The following RGL3 variants were observed in gnomAD, a reference collection of about 807,000 sequenced individuals.
The protein encoded by RGL3 is ral guanine nucleotide dissociation stimulator-like 3.
RGL3 carries 85 observed loss-of-function variants against 90.6 expected under a neutral mutation model. The ratio of observed to expected loss-of-function variants is 0.94; its 90% CI spans 0.79 to 1.12. The LOEUF (loss-of-function observed/expected upper bound fraction) is 1.12, where lower values mean the gene tolerates loss of function less well. Ranked by LOEUF, RGL3 falls within the 50% of genes most tolerant of loss-of-function variation. The pLI, the probability that RGL3 is intolerant of heterozygous loss-of-function variation, is 0.00. For synonymous variants in RGL3, 408 were observed against 385.5 expected, an observed-to-expected ratio of 1.06 and a Z score of -0.68; for missense variants, 1,034 against 939.2, an observed-to-expected ratio of 1.10 and a Z score of -1.32.
At chr19:11,394,935 C>T (rs1211234197) in intron 18 of RGL3, among the ~76,000 whole-genome samples, 1 of 151,518 alleles carries the variant, frequency 6.6e-6, no homozygotes, top group African/African-American at 2.4e-5. Context: ...ACTAAAAATA[C>T]CAAAAAAATG....
intron 5 of RGL3, among the ~76,000 whole-genome samples, chr19:11,409,406 GC>G (rs1410565550): frequency 6.6e-6 from 1 of 151,942 alleles, no homozygotes; most frequent in East Asian, 1.9e-4. Flanking sequence ...GCGTGAACCG[GC>G]GAGGCGGAGC....
intron 4 of RGL3, 65 bp downstream of exon 4, chr19:11,416,549 G>T (rs1052449464): frequency 1.3e-5 from 20 of 1,502,436 alleles, no homozygotes; most frequent in Non-Finnish European, 1.8e-5. Context: ...ACCCCAGTCC[G>T]ACTGCTAACC....
chr19:11,399,980 G>A, intron 15 of RGL3, 29 bp from the exon 16 acceptor site: 1 of 1,576,650 alleles, frequency 6.3e-7, no homozygotes, highest in Admixed American at 1.9e-5. Flanking sequence ...CTGAGGTGGG[G>A]TGGCTGTGCT....
rs140514604 is a variant in RGL3 at position 11,416,611 on chromosome 19, C to G, written c.425+3G>C. ...CACTCCCCTATCTGGATGAAGGACC[C>G]ACCTCAGGTTCTTGTTGAAGCTCAG... On this transcript the variant is annotated splice_donor_region_variant and intron_variant, in intron 4 of 18. Transcript: ENST00000380456. 6.7e-4 allele frequency: 1,078 copies of G among 1,613,934 alleles called. 5 individuals are homozygous for G. In the African/African-American group the frequency reaches 0.013, roughly 19 times the overall value.
At position 11,416,817 on chromosome 19, in the gene RGL3, G is replaced by A; in HGVS notation, c.371+19C>T. On this transcript the variant is annotated intron_variant, in intron 3 of 18. Transcript: ENST00000380456. Reference sequence around the variant, plus strand: ...GGGTTCTAGGGTGGAGAATACGGAGGTTATGGTTCGCTACTGACCCGGGAG... The same window carrying A: ...GGGTTCTAGGGTGGAGAATACGGAGATTATGGTTCGCTACTGACCCGGGAG... 6.2e-7 allele frequency: 1 copy of A among 1,612,594 alleles called. No homozygotes were observed. Among genetic ancestry groups the A allele is most frequent in the Admixed American group, 1.7e-5 (1 of 59,952 alleles).
chr19:11,410,947 G>A (rs970820327), intron 5 of RGL3, among the ~76,000 whole-genome samples: 5 of 152,094 alleles, frequency 3.3e-5, no homozygotes, highest in African/African-American at 9.7e-5. Flanking sequence ...GGTGACTCAT[G>A]TCTGTAATCC....
chr19:11,396,075 AGGCACATGCC>A (rs1968560100), intron 18 of RGL3, among the ~76,000 whole-genome samples: 1 of 137,042 alleles, frequency 7.3e-6, no homozygotes, highest in Non-Finnish European at 1.5e-5. Context: ...TTGGGAATAC[AGGCACATGCC>A]ACCATGCTCA....
intron 16 of RGL3, among the ~76,000 whole-genome samples, chr19:11,399,345 T>C (rs1225012705): frequency 1.3e-5 from 2 of 152,008 alleles, no homozygotes; most frequent in African/African-American, 4.8e-5. Flanking sequence ...GGTGAGTGCA[T>C]TGTTTGAGCT....
rs1216231541 is a variant in RGL3, at chr19:11,394,410, G to A, written c.2125C>T (p.Pro709Ser). The A allele has an allele frequency of 5.0e-6, 8 of 1,612,762 alleles. No individual in the cohort carries two copies. Among genetic ancestry groups the A allele is most frequent in the Admixed American group, 1.7e-5 (1 of 59,964 alleles). ...GAGAGGACAGGGCTGCCTCAGCTTG[G>A]GGAGACAGACAGAGTGTTCCGGGTC... ...EGTRNTLSVSPS is the reference protein window; with the variant it reads ...EGTRNTLSVSSS Residue 709 changes from proline to serine, a missense_variant, in exon 19 of 19, where the codon CCA (proline) becomes TCA (serine). Pro to Ser is a moderately conservative substitution (Grantham distance 74). Coordinates refer to ENST00000380456, the MANE Select transcript of RGL3 (RefSeq NM_001035223.4).
At chr19:11,404,389 C>T (rs1968732373) in intron 9 of RGL3, among the ~76,000 whole-genome samples, 4 of 152,090 alleles carry the variant, frequency 2.6e-5, no homozygotes, top group South Asian at 4.1e-4. Flanking sequence ...AGCCAAGCGT[C>T]GTGGTGGGTG....
chr19:11,406,460 G>A lies in RGL3; in HGVS notation c.955C>T (p.Gln319Ter), dbSNP rs1260950745. The A allele has an allele frequency of 1.3e-6, 2 of 1,549,134 alleles. No homozygotes were observed. The highest frequency in any genetic ancestry group is 3.9e-5 in the Admixed American group (2 of 51,602). The change falls in exon 7 of 19, where the codon CAG becomes TAG. Residue 319 changes from glutamine (Q) to a stop codon, truncating the protein, a stop_gained. Transcript: ENST00000380456. LOFTEE classifies it high-confidence loss of function. The stretch of plus-strand genomic sequence containing the variant: ...CACTTCTCCAGCCGCTGCGCCCTCT[G>A]CGGGGCGGCCAAGCCCGGTGCTCCG... ...VLGAPGLAAPQRAQRLEKWIR... is the reference protein window; with the variant it reads ...VLGAPGLAAP
intron 7 of RGL3, 134 bp downstream of exon 7, chr19:11,406,285 C>A: frequency 1.1e-6 from 1 of 887,482 alleles, no homozygotes; most frequent in Non-Finnish European, 1.7e-6. Flanking sequence ...GAACCCAAGT[C>A]TCACCCTAGG....
chr19:11,414,215 T>TTATATATATATACCTTTA (rs1250296404), intron 5 of RGL3, among the ~76,000 whole-genome samples: 1 of 74,634 alleles, frequency 1.3e-5, no homozygotes, highest in Non-Finnish European at 2.4e-5. Context: ...ATATATACCT[T>TTATATATATATACCTTTA]TATATATATA....
chr19:11,404,756 C>G (rs575352886), intron 9 of RGL3, among the ~76,000 whole-genome samples: 1 of 152,090 alleles, frequency 6.6e-6, no homozygotes, highest in Non-Finnish European at 1.5e-5. Context: ...TAAAAACCAG[C>G]GCCTGATTGC....
chr19:11,410,926 C>G (rs376418593), intron 5 of RGL3, among the ~76,000 whole-genome samples: 1 of 151,878 alleles, frequency 6.6e-6, no homozygotes, highest in Non-Finnish European at 1.5e-5. Flanking sequence ...AACAAACGAC[C>G]GGTAGGGCGT....
chr19:11,416,200 A>C, intron 4 of RGL3, 52 bp from the exon 5 acceptor site: 1 of 1,250,106 alleles, frequency 8.0e-7, no homozygotes, highest in Non-Finnish European at 1.1e-6. Flanking sequence ...GGGACATAGA[A>C]TATGACTCCT....
chr19:11,396,306 T>C (rs1395622829), intron 18 of RGL3, among the ~76,000 whole-genome samples: 1 of 149,594 alleles, frequency 6.7e-6, no homozygotes, highest in African/African-American at 2.5e-5. Flanking sequence ...TAGCTGAGAC[T>C]ACAGGCATGT....
chr19:11,414,650 G>A (rs1229627105), intron 5 of RGL3, among the ~76,000 whole-genome samples: 1 of 150,294 alleles, frequency 6.7e-6, no homozygotes, highest in African/African-American at 2.5e-5. Context: ...GGGGATTAGG[G>A]ATAGAGATGC....
Position 11,397,355 on chromosome 19 carries a change from T to G in RGL3, c.1903A>C (p.Thr635Pro). ...HGNLYRSILL[T>P]SQDKAPSVVR... ...ACGCTGGGGGCTTTGTCCTGACTGG[T>G]CAGCTGGAAGAGAGGGGCGGGAGGT... The change falls in exon 18 of 19, where the codon ACC becomes CCC. Residue 635 changes from threonine (T) to proline (P), a missense_variant. Physicochemically the swap from Thr to Pro is conservative, Grantham distance 38. Coordinates refer to ENST00000380456, the MANE Select transcript of RGL3 (RefSeq NM_001035223.4). The G allele has an allele frequency of 6.2e-7, 1 of 1,600,332 alleles. No homozygotes were observed. The highest frequency in any genetic ancestry group is 1.1e-5 in the South Asian group (1 of 88,852).
Sources: gnomAD v4.1 joint callset for allele counts (sites outside exome capture counted in the v4.1 genomes callset) on GRCh38, gnomAD v4.1.1 for gene constraint, MANE v1.5 for transcripts, NCBI Gene and HGNC (gene_info 2026-07-23, HGNC 2026-07-21) for gene names.